Variants in CFAP210 observed in about 807,000 individuals in gnomAD.
CFAP210 encodes the protein cilia and flagella associated protein 210, also known as cilia- and flagella- associated protein 210.
the CFAP210 span, chr2:169,650,196 C>T: frequency 1.1e-6 from 1 of 930,642 alleles, no homozygotes; most frequent in Non-Finnish European, 1.5e-6. Flanking sequence ...TTCAAAAATA[C>T]AGGAAGATAA....
chr2:169,679,140 C>CA, the CFAP210 span, among the ~76,000 whole-genome samples: 30 of 151,828 alleles, frequency 2.0e-4, no homozygotes, highest in African/African-American at 6.8e-4. Context: ...TACACAAAAA[C>CA]AAAAAAAATC....
chr2:169,680,967 G>A, the CFAP210 span: 9 of 1,517,700 alleles, frequency 5.9e-6, no homozygotes, highest in Non-Finnish European at 8.2e-6. Flanking sequence ...ACAAGAGTAA[G>A]TCTTCAGTGC....
the CFAP210 span, chr2:169,646,121 G>T: frequency 1.9e-6 from 3 of 1,613,938 alleles, no homozygotes; most frequent in South Asian, 3.3e-5. Context: ...AAGAGCTTCA[G>T]TAAGTCTGCA....
chr2:169,671,312 A>G, the CFAP210 span, among the ~76,000 whole-genome samples: 1 of 152,176 alleles, frequency 6.6e-6, no homozygotes, highest in Non-Finnish European at 1.5e-5. Context: ...TCATTCTTTG[A>G]AATTAGGCGC....
chr2:169,655,937 C>T, the CFAP210 span, among the ~76,000 whole-genome samples: 1 of 152,200 alleles, frequency 6.6e-6, no homozygotes, highest in East Asian at 1.9e-4. Flanking sequence ...GCTTCGTTAG[C>T]AGCAGGACCC....
the CFAP210 span, chr2:169,645,709 ACT>A: frequency 1.5e-6 from 1 of 661,548 alleles, no homozygotes; most frequent in Non-Finnish European, 2.5e-6. Context: ...CAAAAGAAAT[ACT>A]GAGAACAATC....
chr2:169,688,822 C>G, the CFAP210 span, among the ~76,000 whole-genome samples: 1 of 152,226 alleles, frequency 6.6e-6, no homozygotes, highest in Non-Finnish European at 1.5e-5. Flanking sequence ...GTTCCAATCT[C>G]TGCCTGTTAC....
chr2:169,650,619 T>C, the CFAP210 span: 4 of 1,346,878 alleles, frequency 3.0e-6, no homozygotes, highest in African/African-American at 4.5e-5. Flanking sequence ...TTGCAGTCTC[T>C]TACAAAACTA....
chr2:169,672,609 G>T, the CFAP210 span, among the ~76,000 whole-genome samples: 1 of 152,180 alleles, frequency 6.6e-6, no homozygotes, highest in Non-Finnish European at 1.5e-5. Context: ...ATGTCCAAGG[G>T]CAGGAAAAGC....
At chr2:169,680,601 C>A in the CFAP210 span, among the ~76,000 whole-genome samples, 1 of 152,138 alleles carries the variant, frequency 6.6e-6, no homozygotes, top group Non-Finnish European at 1.5e-5. Flanking sequence ...TAAAAATTAA[C>A]AATTGATACC....
At chr2:169,661,876 T>C in the CFAP210 span, among the ~76,000 whole-genome samples, 50 of 152,314 alleles carry the variant, frequency 3.3e-4, no homozygotes, top group African/African-American at 1.2e-3. Context: ...TCACTCATTA[T>C]GTGTGAGCTA....
the CFAP210 span, among the ~76,000 whole-genome samples, chr2:169,686,111 C>T: frequency 4.2e-4 from 64 of 152,128 alleles, no homozygotes; most frequent in African/African-American, 5.8e-4. Flanking sequence ...CTCGAACTCC[C>T]GGTCTCAAGT....
At chr2:169,660,648 G>A in the CFAP210 span, among the ~76,000 whole-genome samples, 1 of 149,724 alleles carries the variant, frequency 6.7e-6, no homozygotes, top group East Asian at 2.0e-4. Context: ...CTATTGCCCA[G>A]GCTGGAGTGC....
the CFAP210 span, chr2:169,694,157 C>T: frequency 8.2e-6 from 9 of 1,100,130 alleles, no homozygotes; most frequent in Non-Finnish European, 9.6e-6. Flanking sequence ...TGGTGGAGTC[C>T]ATTTCAAAAG....
the CFAP210 span, among the ~76,000 whole-genome samples, chr2:169,673,797 C>A: frequency 6.6e-6 from 1 of 151,978 alleles, no homozygotes; most frequent in South Asian, 2.1e-4. Context: ...TGTTCCATAT[C>A]TTGATTTGAG....
the CFAP210 span, chr2:169,662,357 C>T: frequency 4.4e-6 from 7 of 1,606,298 alleles, no homozygotes; most frequent in African/African-American, 8.1e-5. Flanking sequence ...TCATATAATG[C>T]ATTCTGTCGC....
the CFAP210 span, among the ~76,000 whole-genome samples, chr2:169,657,397 C>A: frequency 6.6e-6 from 1 of 152,018 alleles, no homozygotes; most frequent in Admixed American, 6.6e-5. Context: ...GACCCTAAAA[C>A]CATTCGGACA....
chr2:169,650,202 G>T, the CFAP210 span: 2 of 975,530 alleles, frequency 2.1e-6, no homozygotes, highest in Non-Finnish European at 2.8e-6. Context: ...AATACAGGAA[G>T]ATAATTCATA....
the CFAP210 span, among the ~76,000 whole-genome samples, chr2:169,683,248 A>G: frequency 6.6e-6 from 1 of 152,214 alleles, no homozygotes; most frequent in African/African-American, 2.4e-5. Flanking sequence ...TTAGTTGCAA[A>G]GAGTATCATC....
Sources: gnomAD v4.1 joint callset for allele counts (sites outside exome capture counted in the v4.1 genomes callset) on GRCh38, gnomAD v4.1.1 for gene constraint, MANE v1.5 for transcripts, NCBI Gene and HGNC (gene_info 2026-07-23, HGNC 2026-07-21) for gene names.